Variants in ALDH2 observed in about 807,000 individuals in gnomAD.
ALDH2 encodes the protein aldehyde dehydrogenase, mitochondrial.
ALDH2 carries 44 observed loss-of-function variants against 59.6 expected under a neutral mutation model. That is an observed-to-expected ratio of 0.74 (90% CI 0.58 to 0.95). ALDH2 has a LOEUF of 0.95. Among genes scored for constraint, ALDH2 ranks in the 40% least tolerant of loss-of-function variants. ALDH2 has a pLI of 0.00. For synonymous variants in ALDH2, 291 were observed against 284.0 expected, an observed-to-expected ratio of 1.02 and a Z score of -0.25; for missense variants, 570 against 696.3, an observed-to-expected ratio of 0.82 and a Z score of 2.04.
intron 1 of ALDH2, among the ~76,000 whole-genome samples, chr12:111,781,706 A>C (rs2068273017): frequency 6.6e-6 from 1 of 152,234 alleles, no homozygotes; most frequent in Non-Finnish European, 1.5e-5. Context: ...AAACCAAGGC[A>C]CTGAGAAGTC....
In ALDH2 at chr12:111,811,629, A is replaced by G. The variant is rs1410673190; in HGVS notation, c.*2054A>G. ...GCTGGGATTACAGGTGTGCGCCACC[A>G]TGCCTGGCTAATTTTTGTATTTTTA... is the stretch of plus-strand genomic sequence containing the variant. On this transcript the variant is annotated 3_prime_UTR_variant, in exon 13 of 13. Coordinates refer to ENST00000261733, the MANE Select transcript of ALDH2 (RefSeq NM_000690.4). 1.3e-5 allele frequency: 2 copies of G among 152,000 alleles called. No individual in the cohort carries two copies. Among genetic ancestry groups the G allele is most frequent in the Non-Finnish European group, 2.9e-5 (2 of 68,204 alleles). 9.4% of individuals were successfully genotyped at this position (152,000 alleles called of 1,614,324 possible). A position where few individuals can be genotyped will look rare whatever the true frequency, so the allele number is the denominator to read the frequency against.
intron 1 of ALDH2, among the ~76,000 whole-genome samples, chr12:111,774,388 T>C (rs914638907): frequency 6.6e-6 from 1 of 152,160 alleles, no homozygotes; most frequent in Non-Finnish European, 1.5e-5. Flanking sequence ...CTGCTTTCCA[T>C]CGGACATAAT....
intron 4 of ALDH2, among the ~76,000 whole-genome samples, chr12:111,787,918 A>T (rs2068323215): frequency 6.6e-6 from 1 of 152,118 alleles, no homozygotes; most frequent in African/African-American, 2.4e-5. Flanking sequence ...AGGCGCCTAT[A>T]GTCCCAGCTA....
intron 1 of ALDH2, among the ~76,000 whole-genome samples, chr12:111,778,623 G>A (rs2068250326): frequency 6.6e-6 from 1 of 150,930 alleles, no homozygotes; most frequent in African/African-American, 2.4e-5. Context: ...CACGAGGTCA[G>A]GAGATTGAGA....
At chr12:111,778,256 C>A (rs2068247563) in intron 1 of ALDH2, among the ~76,000 whole-genome samples, 1 of 152,080 alleles carries the variant, frequency 6.6e-6, no homozygotes, top group African/African-American at 2.4e-5. Context: ...CAAAAGAGCC[C>A]ATATTCGGCC....
At chr12:111,782,088 G>C (rs1204300673) in intron 2 of ALDH2, 66 bp downstream of exon 2, 3 of 1,288,746 alleles carry the variant, frequency 2.3e-6, no homozygotes, top group Non-Finnish European at 2.2e-6. Flanking sequence ...GTTTTTGTGT[G>C]GTGAAAGCTT....
intron 3 of ALDH2, among the ~76,000 whole-genome samples, chr12:111,783,940 T>C (rs2068292211): frequency 6.6e-6 from 1 of 151,966 alleles, no homozygotes; most frequent in Non-Finnish European, 1.5e-5. Flanking sequence ...TGGTGGGCCT[T>C]CTCCCTGGCT....
chr12:111,785,113 TC>T (rs1161325449), intron 3 of ALDH2, among the ~76,000 whole-genome samples, 153 bp from the exon 4 acceptor site: 1 of 152,124 alleles, frequency 6.6e-6, no homozygotes, highest in Non-Finnish European at 1.5e-5. Context: ...ATGGCAATAG[TC>T]CAGAGATGCT....
intron 1 of ALDH2, 81 bp from the exon 2 acceptor site, chr12:111,781,836 TG>T (rs2136012969): frequency 1.9e-6 from 2 of 1,047,936 alleles, no homozygotes; most frequent in Admixed American, 4.4e-5. Context: ...TGCTTTTTCT[TG>T]TTTTTTTTTT....
chr12:111,809,512 A>G, intron 12 of ALDH2, 31 bp from the exon 13 acceptor site: 3 of 1,613,928 alleles, frequency 1.9e-6, no homozygotes, highest in Non-Finnish European at 2.5e-6. Context: ...GGAAGCAGGA[A>G]GATCTAACGG....
Position 111,790,528 on chromosome 12 carries a change from T to A in ALDH2, c.647T>A (p.Leu216His). 6.2e-7 allele frequency: 1 copy of A among 1,614,164 alleles called. No homozygotes were observed. The highest frequency in any genetic ancestry group is 8.5e-7 in the Non-Finnish European group (1 of 1,180,022). ...VVMKVAEQTP[L>H]TALYVANLIK... ...ATGAAGGTAGCTGAGCAGACACCCC[T>A]CACCGCCCTCTATGTGGCCAACCTG... is the stretch of plus-strand genomic sequence containing the variant. The change falls in exon 6 of 13, where the codon CTC becomes CAC. Residue 216 changes from leucine (L) to histidine (H), a missense_variant. Leu to His is a moderately conservative substitution (Grantham distance 99, BLOSUM62 -3). Transcript: ENST00000261733.
rs1331453417 is a variant in ALDH2, at chr12:111,815,869, C to G, written c.*6294C>G. ...CTCGAACTCCTGGCCTCAAGTCATC[C>G]TGCTGGCTTGGCCTCTCAAGTGCTA... is the stretch of plus-strand genomic sequence containing the variant. On this transcript the variant is annotated 3_prime_UTR_variant, in exon 13 of 13. Transcript: ENST00000261733. 1 of 151,714 alleles carries G rather than the reference C, an allele frequency of 6.6e-6. No homozygotes were observed. The highest frequency in any genetic ancestry group is 1.5e-5 in the Non-Finnish European group (1 of 68,076). 9.4% of individuals were successfully genotyped at this position (151,714 alleles called of 1,614,324 possible). A position where few individuals can be genotyped will look rare whatever the true frequency, so the allele number is the denominator to read the frequency against.
rs1368663270 is a variant in ALDH2 at position 111,809,927 on chromosome 12, T to TA, written c.*353dup. On this transcript the variant is annotated 3_prime_UTR_variant, in exon 13 of 13. Coordinates refer to ENST00000261733, the MANE Select transcript of ALDH2 (RefSeq NM_000690.4). Reference sequence around the variant, plus strand: ...ATTATATCACCATTAAGGCAACTGCTACACCCTGCTTTGTATTCTGGGCTA... The same window carrying TA: ...ATTATATCACCATTAAGGCAACTGCTAACACCCTGCTTTGTATTCTGGGCTA... The TA allele has an allele frequency of 5.7e-6, 2 of 349,440 alleles. No homozygotes were observed. Among genetic ancestry groups the TA allele is most frequent in the Non-Finnish European group, 1.1e-5 (2 of 188,982 alleles). The allele number at this position is 349,440 out of a possible 1,614,324, so 21.6% of individuals were successfully genotyped here.
intron 12 of ALDH2, among the ~76,000 whole-genome samples, chr12:111,804,549 A>T (rs2068478772): frequency 6.6e-6 from 1 of 152,188 alleles, no homozygotes; most frequent in African/African-American, 2.4e-5. Flanking sequence ...GGAGTTTGAG[A>T]CCAGCCTGAC....
rs2068351386 is a variant in ALDH2 at position 111,790,703 on chromosome 12, C to T, written c.681+141C>T. 5 of 1,122,922 alleles carry T rather than the reference C, an allele frequency of 4.5e-6. No homozygotes were observed. The Admixed American group carries it at 1.0e-4, about 24-fold the overall frequency. The allele number at this position is 1,122,922 out of a possible 1,614,324, so 69.6% of individuals were successfully genotyped here. ...CATCACCATGTGAACCAGAGTGGCT[C>T]CCTCTTAGCTTTTTTCCACATTGGA... is the stretch of plus-strand genomic sequence containing the variant. On this transcript the variant is annotated intron_variant, in intron 6 of 12. Transcript: ENST00000261733.
intron 1 of ALDH2, among the ~76,000 whole-genome samples, chr12:111,771,918 G>A (rs2068202538): frequency 1.3e-5 from 2 of 152,096 alleles, no homozygotes; most frequent in African/African-American, 2.4e-5. Flanking sequence ...GACCAACATG[G>A]TGAAACCCTG....
chr12:111,802,974 C>T (rs111758017), intron 11 of ALDH2, among the ~76,000 whole-genome samples: 65 of 151,562 alleles, frequency 4.3e-4, no homozygotes, highest in African/African-American at 1.5e-3. Context: ...AGGCATATCA[C>T]GAAGTCAAGA....
At chr12:111,780,995 G>A (rs1383429286) in intron 1 of ALDH2, among the ~76,000 whole-genome samples, 1 of 152,126 alleles carries the variant, frequency 6.6e-6, no homozygotes, top group Non-Finnish European at 1.5e-5. Context: ...TGTGGTCCCA[G>A]CTACTCAGGA....
At chr12:111,783,001 C>T (rs571094617) in intron 2 of ALDH2, among the ~76,000 whole-genome samples, 157 bp from the exon 3 acceptor site, 4 of 152,210 alleles carry the variant, frequency 2.6e-5, no homozygotes, top group Non-Finnish European at 5.9e-5. Context: ...GTCTGGTGCT[C>T]ATCAGGGCTC....
Sources: gnomAD v4.1 joint callset for allele counts (sites outside exome capture counted in the v4.1 genomes callset) on GRCh38, gnomAD v4.1.1 for gene constraint, MANE v1.5 for transcripts, NCBI Gene and HGNC (gene_info 2026-07-23, HGNC 2026-07-21) for gene names.